Variants in TMEM154 observed in about 807,000 individuals in gnomAD.
TMEM154 encodes transmembrane protein 154.
In TMEM154, 27 loss-of-function variants were observed where a neutral mutation model predicts 24.5. The ratio of observed to expected loss-of-function variants is 1.10; its 90% CI spans 0.81 to 1.52. TMEM154 has a LOEUF of 1.52. Among genes scored for constraint, TMEM154 ranks in the 40% most tolerant of loss-of-function variants. TMEM154 has a pLI of 0.00. For synonymous variants in TMEM154, 67 were observed against 76.8 expected, an observed-to-expected ratio of 0.87 and a Z score of 0.67; for missense variants, 228 against 213.4, an observed-to-expected ratio of 1.07 and a Z score of -0.43.
chr4:152,643,210 T>G, intron 4 of TMEM154, 37 bp from the exon 5 acceptor site: 1 of 1,423,764 alleles, frequency 7.0e-7, no homozygotes, highest in Non-Finnish European at 9.8e-7. Context: ...TAGAAAGAAA[T>G]GTGAAAGATG....
intron 1 of TMEM154, among the ~76,000 whole-genome samples, chr4:152,676,510 G>A (rs1728955124): frequency 6.6e-6 from 1 of 152,212 alleles, no homozygotes; most frequent in South Asian, 2.1e-4. Flanking sequence ...TTTCTCAAAT[G>A]TAAAAACAGG....
chr4:152,653,561 T>C (rs906629187), intron 1 of TMEM154, among the ~76,000 whole-genome samples: 1 of 151,728 alleles, frequency 6.6e-6, no homozygotes, highest in African/African-American at 2.4e-5. Flanking sequence ...AGCTAATTTT[T>C]GTATTTTTAG....
chr4:152,646,922 C>T (rs564363604), intron 3 of TMEM154: 20 of 702,274 alleles, frequency 2.8e-5, no homozygotes, highest in Middle Eastern at 2.3e-4. Context: ...GTTTATCGCC[C>T]GCTGTTTTCC....
At chr4:152,678,100 T>C (rs1016191924) in intron 1 of TMEM154, among the ~76,000 whole-genome samples, 30 of 152,198 alleles carry the variant, frequency 2.0e-4, no homozygotes, top group African/African-American at 7.2e-4. Flanking sequence ...GGAAAAAGAA[T>C]GTATTCATTA....
intron 1 of TMEM154, among the ~76,000 whole-genome samples, chr4:152,679,606 A>G (rs1411566491): frequency 6.6e-6 from 1 of 152,154 alleles, no homozygotes; most frequent in Non-Finnish European, 1.5e-5. Context: ...GGTAAATTAC[A>G]GGGACGCACA....
intron 1 of TMEM154, among the ~76,000 whole-genome samples, chr4:152,661,341 T>TCTCTCTCTCTCC (rs1554013049): frequency 8.2e-5 from 9 of 109,234 alleles, no homozygotes; most frequent in African/African-American, 3.1e-4. Flanking sequence ...TCTCTCTCTC[T>TCTCTCTCTCTCC]CCCCCCAACT....
intron 1 of TMEM154, among the ~76,000 whole-genome samples, chr4:152,663,062 C>T (rs1263090396): frequency 6.6e-6 from 1 of 152,198 alleles, no homozygotes; most frequent in African/African-American, 2.4e-5. Context: ...AGTAGGCCTT[C>T]TGCTCTGTCT....
chr4:152,670,410 AT>A (rs1309203312), intron 1 of TMEM154, among the ~76,000 whole-genome samples: 1 of 152,186 alleles, frequency 6.6e-6, no homozygotes, highest in African/African-American at 2.4e-5. Context: ...CCTGGTCAAC[AT>A]GGTAAAACAC....
intron 3 of TMEM154, among the ~76,000 whole-genome samples, chr4:152,650,210 G>C (rs1403730357): frequency 1.3e-5 from 2 of 152,162 alleles, no homozygotes; most frequent in African/African-American, 4.8e-5. Context: ...ACAATGCTTT[G>C]TTTGATAGCA....
At chr4:152,644,017 C>T (rs146907848) in intron 4 of TMEM154, among the ~76,000 whole-genome samples, 17 of 151,902 alleles carry the variant, frequency 1.1e-4, no homozygotes, top group African/African-American at 3.4e-4. Flanking sequence ...ACTTCTGCTT[C>T]GACCAGGGCT....
chr4:152,647,257 C>T, intron 3 of TMEM154: 15 of 985,226 alleles, frequency 1.5e-5, no homozygotes, highest in Non-Finnish European at 1.8e-5. Context: ...CCATGCTCTC[C>T]TATAAAGCAT....
At chr4:152,637,373 C>T (rs1446239938) in intron 6 of TMEM154, among the ~76,000 whole-genome samples, 2 of 151,978 alleles carry the variant, frequency 1.3e-5, no homozygotes, top group Admixed American at 1.3e-4. Context: ...TGGTGAAACC[C>T]CATTTCTATT....
intron 6 of TMEM154, among the ~76,000 whole-genome samples, chr4:152,633,621 T>C (rs1367486867): frequency 1.4e-4 from 21 of 152,198 alleles, no homozygotes; most frequent in Admixed American, 1.3e-3. Context: ...GTAACTTAAC[T>C]ATGATGGTAA....
At position 152,652,864 on chromosome 4, in the gene TMEM154, A is replaced by G. The variant is rs1728414625; in HGVS notation, c.128T>C (p.Val43Ala). ...TTVESERPNK[V>A]TIPSTFAAVT... ...TGCAGCAAATGTGCTTGGAATAGTC[A>G]CTTTATTTGGTCTTTCAGATTCCAC... The change falls in exon 2 of 7, where the codon GTG becomes GCG. Residue 43 changes from valine (V) to alanine (A), a missense_variant. Transcript: ENST00000304385. 1 of 1,613,858 alleles carries G rather than the reference A, an allele frequency of 6.2e-7. No individual in the cohort carries two copies. The highest frequency in any genetic ancestry group is 8.5e-7 in the Non-Finnish European group (1 of 1,179,898).
chr4:152,671,990 C>T (rs1001307042), intron 1 of TMEM154, among the ~76,000 whole-genome samples: 1 of 150,864 alleles, frequency 6.6e-6, no homozygotes, highest in African/African-American at 2.4e-5. Context: ...CTCAATGTCT[C>T]ACGCCTATAA....
intron 3 of TMEM154, among the ~76,000 whole-genome samples, chr4:152,648,857 G>T (rs879555322): frequency 1.3e-5 from 2 of 152,258 alleles, no homozygotes; most frequent in South Asian, 4.2e-4. Flanking sequence ...GTCATGGTTT[G>T]GGGAAGGAAA....
At position 152,620,896 on chromosome 4, in the gene TMEM154, T is replaced by C. The variant is rs1751835508; in HGVS notation, c.*7650A>G. On this transcript the variant is annotated 3_prime_UTR_variant, in exon 7 of 7. Transcript: ENST00000304385. ...CTTGTGCTTTGGAGTTGGAAAGACA[T>C]GGAACAAGGTATAAGTTCTCTAAAC... 2 of 152,340 alleles carry C rather than the reference T, an allele frequency of 1.3e-5. No individual in the cohort carries two copies. Among genetic ancestry groups the C allele is most frequent in the South Asian group, 4.1e-4 (2 of 4,830 alleles). The allele number at this position is 152,340 out of a possible 1,614,324, so 9.4% of individuals were successfully genotyped here.
chr4:152,640,858 T>C, intron 6 of TMEM154, 70 bp downstream of exon 6: 1 of 1,369,248 alleles, frequency 7.3e-7, no homozygotes, highest in Non-Finnish European at 1.0e-6. Flanking sequence ...GCAAAAAGTG[T>C]TCCACCCTGG....
At chr4:152,640,531 A>T (rs1752235409) in intron 6 of TMEM154, among the ~76,000 whole-genome samples, 1 of 152,110 alleles carries the variant, frequency 6.6e-6, no homozygotes, top group East Asian at 1.9e-4. Flanking sequence ...TTATTTTCTC[A>T]CTCTAGTTTA....
Sources: gnomAD v4.1 joint callset for allele counts (sites outside exome capture counted in the v4.1 genomes callset) on GRCh38, gnomAD v4.1.1 for gene constraint, MANE v1.5 for transcripts, NCBI Gene and HGNC (gene_info 2026-07-23, HGNC 2026-07-21) for gene names.